The following NEGR1 variants were observed in gnomAD, a reference collection of about 807,000 sequenced individuals.
The protein encoded by NEGR1 is IgLON family member 4.
A neutral mutation model predicts 40.9 loss-of-function variants in NEGR1; 10 were observed. The observed-to-expected ratio is 0.24, with a 90% CI of 0.15 to 0.42. The LOEUF (loss-of-function observed/expected upper bound fraction) is 0.42, where lower values mean the gene tolerates loss of function less well. Among genes scored for constraint, NEGR1 ranks in the 10% least tolerant of loss-of-function variants. The probability of loss-of-function intolerance (pLI) is 1.00; values close to 1 mark genes in which losing one functional copy is unlikely to be tolerated. For missense variants in NEGR1, 352 were observed against 438.9 expected (o/e 0.80, Z 1.77); for synonymous variants, 185 against 166.8 (o/e 1.11, Z -0.84).
intron 2 of NEGR1, among the ~76,000 whole-genome samples, chr1:71,828,201 T>G (rs1443613682): frequency 1.3e-5 from 2 of 151,976 alleles, no homozygotes; most frequent in Admixed American, 6.6e-5. Context: ...TCTCTTATTC[T>G]GCAATGAAGC....
At position 71,791,433 on chromosome 1, in the gene NEGR1, T is replaced by A. The variant is rs192582509; in HGVS notation, c.410-15136A>T. On this transcript the variant is annotated intron_variant, in intron 2 of 6. Coordinates refer to ENST00000357731, the MANE Select transcript of NEGR1 (RefSeq NM_173808.3). ...GTATTTAGTGATATCAATCTGAACG[T>A]GGCCACAGTGGCAGTGTTTAGAGCA... Among the ~76,000 whole-genome samples the A allele has an allele frequency of 2.6e-4, 39 of 152,230 alleles. 1 individual carries two copies. The highest frequency in any genetic ancestry group is 3.9e-4 in the Admixed American group (6 of 15,262).
At chr1:72,140,632 G>T (rs1351635778) in intron 1 of NEGR1, among the ~76,000 whole-genome samples, 4 of 151,976 alleles carry the variant, frequency 2.6e-5, no homozygotes, top group African/African-American at 9.7e-5. Flanking sequence ...ACCATGCAAA[G>T]TAGTATGAGC....
At chr1:71,643,137 T>C (rs1032432785) in intron 4 of NEGR1, among the ~76,000 whole-genome samples, 2 of 151,942 alleles carry the variant, frequency 1.3e-5, no homozygotes, top group African/African-American at 4.8e-5. Context: ...CAGTGTGATA[T>C]AAAATGGATT....
chr1:71,457,982 G>A (rs1291743711), intron 6 of NEGR1, among the ~76,000 whole-genome samples: 1 of 152,190 alleles, frequency 6.6e-6, no homozygotes, highest in East Asian at 1.9e-4. Context: ...GATTACAGGC[G>A]TGAGCCACCA....
At chr1:71,902,610 G>A (rs569332381) in intron 2 of NEGR1, among the ~76,000 whole-genome samples, 2 of 152,034 alleles carry the variant, frequency 1.3e-5, no homozygotes, top group African/African-American at 4.8e-5. Context: ...TTTCACCTTT[G>A]AATTAAACAC....
intron 1 of NEGR1, among the ~76,000 whole-genome samples, chr1:72,010,656 G>GA (rs563125891): frequency 2.0e-4 from 29 of 143,714 alleles, no homozygotes; most frequent in Admixed American, 3.5e-4. Flanking sequence ...ACTGTAGAAA[G>GA]AAAAAAAAAT....
rs1022541538 is a variant in NEGR1 at position 71,498,237 on chromosome 1, T to C, written c.941-90667A>G. Among the ~76,000 whole-genome samples the C allele has an allele frequency of 3.3e-5, 5 of 151,770 alleles. No individual in the cohort carries two copies. In the South Asian group the frequency reaches 8.4e-4, roughly 25 times the overall value. On this transcript the variant is annotated intron_variant, in intron 6 of 6. Transcript: ENST00000357731. ...TTTTATAGCATTAAAGTGATAATATTGTAAAACATGCCTATATCTCTTTCA... is the reference window on the plus strand; with the variant it reads ...TTTTATAGCATTAAAGTGATAATATCGTAAAACATGCCTATATCTCTTTCA...
intron 6 of NEGR1, among the ~76,000 whole-genome samples, chr1:71,578,828 C>G (rs996278913): frequency 3.3e-5 from 5 of 152,028 alleles, no homozygotes; most frequent in African/African-American, 1.2e-4. Flanking sequence ...CTTAATAGAT[C>G]AACAGTGAAG....
intron 2 of NEGR1, among the ~76,000 whole-genome samples, chr1:71,793,558 A>T (rs1252975252): frequency 6.6e-6 from 1 of 152,024 alleles, no homozygotes; most frequent in Admixed American, 6.6e-5. Context: ...AAATGAGGAA[A>T]ATATTGCCAA....
Position 71,611,029 on chromosome 1 carries a change from T to C in NEGR1, c.785A>G (p.Lys262Arg). The C allele has an allele frequency of 6.2e-7, 1 of 1,613,886 alleles. No individual in the cohort carries two copies. The highest frequency in any genetic ancestry group is 1.3e-5 in the African/African-American group (1 of 75,036). ...GTAATAATCACAAAGTCCTCACTTC[T>C]TCTCTCCTTTGTACCATTCAAAGGC... Reference protein sequence around the residue: ...PPAFEWYKGEKKLFNGQQGII... With the variant: ...PPAFEWYKGERKLFNGQQGII... The change falls in exon 5 of 7, where the codon AAG (lysine) becomes AGG (arginine). Residue 262 changes from lysine (K) to arginine (R), a missense_variant. Physicochemically the swap from Lys to Arg is conservative, Grantham distance 26 (BLOSUM62 2). This residue lies in a region of NEGR1 where 184 missense variants were observed against 208.7 expected (regional missense o/e 0.88). Coordinates refer to ENST00000357731, the MANE Select transcript of NEGR1 (RefSeq NM_173808.3).
intron 2 of NEGR1, among the ~76,000 whole-genome samples, chr1:71,857,219 G>A (rs997539063): frequency 9.9e-5 from 15 of 151,844 alleles, no homozygotes. Context: ...GTTTTGGGAA[G>A]AGTCCTATGT....
chr1:72,202,771 G>C (rs1230555733), intron 1 of NEGR1, among the ~76,000 whole-genome samples: 1 of 152,030 alleles, frequency 6.6e-6, no homozygotes, highest in Non-Finnish European at 1.5e-5. Context: ...GACTCTGTTA[G>C]CTTGGTGGCT....
intron 2 of NEGR1, among the ~76,000 whole-genome samples, chr1:71,924,313 T>G (rs1298463809): frequency 6.6e-6 from 1 of 152,236 alleles, no homozygotes; most frequent in Non-Finnish European, 1.5e-5. Flanking sequence ...TTAGCAAAGT[T>G]ATTTGCACAT....
At chr1:71,660,398 T>C (rs1391827364) in intron 4 of NEGR1, among the ~76,000 whole-genome samples, 3 of 152,032 alleles carry the variant, frequency 2.0e-5, no homozygotes, top group Non-Finnish European at 4.4e-5. Context: ...ACCTGGGTGA[T>C]GAAATCATAT....
At chr1:71,586,475 G>T (rs144980158) in intron 6 of NEGR1, among the ~76,000 whole-genome samples, 115 of 152,224 alleles carry the variant, frequency 7.6e-4, no homozygotes, top group African/African-American at 2.7e-3. Context: ...GGGTTTCATT[G>T]CTTAAGAAAG....
chr1:72,049,654 G>A (rs947822224), intron 1 of NEGR1, among the ~76,000 whole-genome samples: 13 of 150,180 alleles, frequency 8.7e-5, no homozygotes, highest in East Asian at 1.9e-4. Flanking sequence ...CATTGTCAAC[G>A]CATATAACCT....
intron 5 of NEGR1, among the ~76,000 whole-genome samples, chr1:71,605,261 A>G (rs952320025): frequency 1.3e-5 from 2 of 152,168 alleles, no homozygotes; most frequent in African/African-American, 4.8e-5. Flanking sequence ...TTATATATGT[A>G]TACATTGTGA....
chr1:71,960,503 T>A (rs894386171), intron 1 of NEGR1, among the ~76,000 whole-genome samples: 1 of 152,226 alleles, frequency 6.6e-6, no homozygotes, highest in East Asian at 1.9e-4. Flanking sequence ...GGTTCTATAA[T>A]GTCTAGAAAA....
intron 6 of NEGR1, among the ~76,000 whole-genome samples, chr1:71,465,820 T>C (rs1646741791): frequency 6.6e-6 from 1 of 151,956 alleles, no homozygotes; most frequent in African/African-American, 2.4e-5. Flanking sequence ...GGAAGATGAA[T>C]GGATTAGAGT....
Sources: allele counts gnomAD v4.1 joint callset (sites outside exome capture counted in the v4.1 genomes callset), GRCh38; gene constraint gnomAD v4.1.1; regional missense constraint gnomAD v4.1.1; transcripts MANE v1.5; gene names NCBI Gene and HGNC (gene_info 2026-07-23, HGNC 2026-07-21).